The following MLXIP variants were observed in gnomAD, a reference collection of about 807,000 sequenced individuals.
The protein encoded by MLXIP is MLX-interacting protein.
Under a neutral mutation model 87.2 loss-of-function variants are expected in MLXIP, and 30 were observed. The ratio of observed to expected loss-of-function variants is 0.34; its 90% CI spans 0.26 to 0.47. The LOEUF (loss-of-function observed/expected upper bound fraction) is 0.47, where lower values mean the gene tolerates loss of function less well. MLXIP is among the 20% of genes least tolerant of loss of function. The pLI, the probability that MLXIP is intolerant of heterozygous loss-of-function variation, is 1.00. For missense variants in MLXIP, 1,002 were observed against 1,240.1 expected (o/e 0.81, Z 2.88); for synonymous variants, 530 against 514.0 (o/e 1.03, Z -0.42).
At chr12:122,079,919 C>T (rs1406558206) in intron 1 of MLXIP, among the ~76,000 whole-genome samples, 7 of 152,314 alleles carry the variant, frequency 4.6e-5, no homozygotes, top group Non-Finnish European at 1.0e-4. Flanking sequence ...CTTTTGGTGC[C>T]ACAGCTGTTG....
chr12:122,102,909 G>C (rs190061015), intron 1 of MLXIP, among the ~76,000 whole-genome samples: 2 of 152,226 alleles, frequency 1.3e-5, no homozygotes, highest in African/African-American at 4.8e-5. Context: ...GTTTAGGGTC[G>C]AAGTGGAATA....
At chr12:122,106,283 G>A (rs1419945191) in intron 1 of MLXIP, among the ~76,000 whole-genome samples, 2 of 152,150 alleles carry the variant, frequency 1.3e-5, no homozygotes, top group East Asian at 1.9e-4. Context: ...GCCCGTCCTT[G>A]GAGACTCCGC....
At chr12:122,090,189 A>G (rs1952224615) in intron 1 of MLXIP, among the ~76,000 whole-genome samples, 1 of 152,214 alleles carries the variant, frequency 6.6e-6, no homozygotes, top group Non-Finnish European at 1.5e-5. Flanking sequence ...CAGAAACATT[A>G]TGTTGAATGA....
At chr12:122,101,844 G>T (rs887762546) in intron 1 of MLXIP, among the ~76,000 whole-genome samples, 2 of 152,144 alleles carry the variant, frequency 1.3e-5, no homozygotes, top group African/African-American at 4.8e-5. Flanking sequence ...CTCCCAAAGT[G>T]CTGGGATTAC....
chr12:122,111,001 C>A (rs1446865755), intron 1 of MLXIP, among the ~76,000 whole-genome samples: 1 of 149,200 alleles, frequency 6.7e-6, no homozygotes, highest in South Asian at 2.1e-4. Flanking sequence ...GGCGTGAACC[C>A]AGGAGGCGGA....
intron 1 of MLXIP, among the ~76,000 whole-genome samples, chr12:122,092,599 G>A (rs1952263227): frequency 6.6e-6 from 1 of 152,144 alleles, no homozygotes; most frequent in Non-Finnish European, 1.5e-5. Flanking sequence ...CTTGTTCTGG[G>A]AATGGAGGGT....
intron 1 of MLXIP, among the ~76,000 whole-genome samples, chr12:122,120,278 AGT>A (rs1952758565): frequency 6.6e-6 from 1 of 150,952 alleles, no homozygotes; most frequent in South Asian, 2.1e-4. Context: ...GCTGGAGTGC[AGT>A]GGTACAATAG....
chr12:122,124,836 GC>G (rs1395410312), intron 1 of MLXIP, among the ~76,000 whole-genome samples: 1 of 152,024 alleles, frequency 6.6e-6, no homozygotes, highest in Non-Finnish European at 1.5e-5. Flanking sequence ...TTCAAAACCA[GC>G]CTGACGAACG....
In MLXIP at chr12:122,141,197, G is replaced by A. The variant is rs1953196086; in HGVS notation, c.2638+114G>A. The A allele has an allele frequency of 2.8e-6, 4 of 1,427,040 alleles. No individual in the cohort carries two copies. In the African/African-American group the frequency reaches 5.7e-5, roughly 20 times the overall value. 88.4% of individuals were successfully genotyped at this position (1,427,040 alleles called of 1,614,324 possible). On this transcript the variant is annotated intron_variant, in intron 16 of 16. Transcript: ENST00000319080. ...ACTGCAGGCAGCCAGGTGGGGCCGG[G>A]GCAGGGGCACAGTGCTGTCCAGGAG...
chr12:122,096,606 C>T (rs1952355463), intron 1 of MLXIP, among the ~76,000 whole-genome samples: 1 of 152,204 alleles, frequency 6.6e-6, no homozygotes, highest in East Asian at 1.9e-4. Context: ...TGAACGGTGG[C>T]CTGTTTATTC....
intron 8 of MLXIP, 82 bp downstream of exon 8, chr12:122,132,465 C>T: frequency 9.0e-7 from 1 of 1,105,004 alleles, no homozygotes; most frequent in South Asian, 1.3e-5. Flanking sequence ...CAGAGCAAGG[C>T]TAATGGCATA....
chr12:122,133,493 C>G lies in MLXIP; in HGVS notation c.1238C>G (p.Thr413Arg). The change falls in exon 9 of 17, where the codon ACG (threonine) becomes AGG (arginine). Residue 413 changes from threonine (T) to arginine (R), a missense_variant. By Grantham distance (71) the Thr-to-Arg change is moderately conservative (BLOSUM62 -1). Around this residue, in one of 3 missense-constraint regions of MLXIP, gnomAD observed 746 missense variants for 897.0 expected, o/e 0.83. Coordinates refer to ENST00000319080, the MANE Select transcript of MLXIP (RefSeq NM_014938.6). This position sits in a 1 kb window ranked among gnomAD's most constrained non-coding sequence, Gnocchi z 4.9. ...ACTGAGGACCCGTTTATCCAGCCCA[C>G]GGACTTCGGTCCCTCAGAGCCGCCA... ...SRTEDPFIQP[T>R]DFGPSEPPLS... The G allele has an allele frequency of 6.2e-7, 1 of 1,612,630 alleles. No individual in the cohort carries two copies. The highest frequency in any genetic ancestry group is 8.5e-7 in the Non-Finnish European group (1 of 1,179,572).
In MLXIP at chr12:122,078,789, C is replaced by G. The variant is rs564856093; in HGVS notation, c.-65C>G. 1.5e-5 allele frequency: 15 copies of G among 1,025,914 alleles called. No individual in the cohort carries two copies. The highest frequency in any genetic ancestry group is 1.7e-5 in the Non-Finnish European group (15 of 858,070). 63.6% of individuals were successfully genotyped at this position (1,025,914 alleles called of 1,614,324 possible). On this transcript the variant is annotated 5_prime_UTR_variant, in exon 1 of 17. Transcript: ENST00000319080. Reference sequence around the variant, plus strand: ...CGCGGGCCGGGCCGGGCCGGCGCCCCTCTGCCTCGCGCGCTTGTCGCGTTG... The same window carrying G: ...CGCGGGCCGGGCCGGGCCGGCGCCCGTCTGCCTCGCGCGCTTGTCGCGTTG...
chr12:122,092,588 T>A (rs1409119743), intron 1 of MLXIP, among the ~76,000 whole-genome samples: 1 of 152,114 alleles, frequency 6.6e-6, no homozygotes, highest in Non-Finnish European at 1.5e-5. Flanking sequence ...TTTTAAGTAT[T>A]CTTGTTCTGG....
At chr12:122,120,878 C>T (rs1300833131) in intron 1 of MLXIP, among the ~76,000 whole-genome samples, 5 of 152,104 alleles carry the variant, frequency 3.3e-5, no homozygotes, top group Non-Finnish European at 5.9e-5. Context: ...AGGGGTGTCC[C>T]TCTAAGAAGC....
chr12:122,101,703 C>G (rs1952441322), intron 1 of MLXIP, among the ~76,000 whole-genome samples: 1 of 151,174 alleles, frequency 6.6e-6, no homozygotes, highest in Non-Finnish European at 1.5e-5. Context: ...GCCGCAGCCT[C>G]CCGAGTAGCT....
At chr12:122,117,007 C>T (rs1593091303) in intron 1 of MLXIP, among the ~76,000 whole-genome samples, 1 of 152,286 alleles carries the variant, frequency 6.6e-6, no homozygotes, top group East Asian at 1.9e-4. Context: ...GTATCCACTC[C>T]CTCAAGTTGC....
intron 1 of MLXIP, among the ~76,000 whole-genome samples, chr12:122,103,521 C>CTTT (rs36181949): frequency 9.0e-6 from 1 of 111,312 alleles, no homozygotes; most frequent in Non-Finnish European, 1.8e-5. Context: ...TGCACCTGGC[C>CTTT]TTTTTTTTTT....
intron 3 of MLXIP, 26 bp from the exon 4 acceptor site, chr12:122,129,111 C>T (rs1342867182): frequency 6.4e-7 from 1 of 1,571,040 alleles, no homozygotes; most frequent in East Asian, 2.3e-5. Flanking sequence ...GCCCCCTCTT[C>T]ACTCTGCTCT....
Sources: allele counts gnomAD v4.1 joint callset (sites outside exome capture counted in the v4.1 genomes callset), GRCh38; gene constraint gnomAD v4.1.1; regional missense constraint gnomAD v4.1.1; non-coding constraint Gnocchi (gnomAD v3.1); transcripts MANE v1.5; gene names NCBI Gene and HGNC (gene_info 2026-07-23, HGNC 2026-07-21).